Variants in FAR2 observed in about 807,000 individuals in gnomAD.
FAR2 encodes fatty acyl-CoA reductase 2.
FAR2 carries 19 observed loss-of-function variants against 56.0 expected under a neutral mutation model. The ratio of observed to expected loss-of-function variants is 0.34; its 90% CI spans 0.24 to 0.50. FAR2 has a LOEUF of 0.50. FAR2 is among the 20% of genes least tolerant of loss of function. The pLI, the probability that FAR2 is intolerant of heterozygous loss-of-function variation, is 0.98. For missense variants in FAR2, 508 were observed against 642.2 expected (o/e 0.79, Z 2.26); for synonymous variants, 219 against 218.8 (o/e 1.00, Z -0.01).
chr12:29,203,544 A>T (rs1947440101), intron 1 of FAR2, among the ~76,000 whole-genome samples: 1 of 152,186 alleles, frequency 6.6e-6, no homozygotes, highest in Non-Finnish European at 1.5e-5. Flanking sequence ...TTAGGCCTGT[A>T]TGGTCATCCA....
intron 1 of FAR2, among the ~76,000 whole-genome samples, chr12:29,180,280 C>A (rs1591834747): frequency 6.6e-6 from 1 of 152,310 alleles, no homozygotes; most frequent in Admixed American, 6.5e-5. Flanking sequence ...GATATCACTT[C>A]TCATTATGCC....
At chr12:29,159,777 C>A (rs1288612808) in intron 1 of FAR2, among the ~76,000 whole-genome samples, 2 of 152,152 alleles carry the variant, frequency 1.3e-5, no homozygotes, top group Non-Finnish European at 2.9e-5. Context: ...AAGATAGACA[C>A]AAACTCTTGG....
At chr12:29,324,785 C>A (rs1305489780) in intron 10 of FAR2, among the ~76,000 whole-genome samples, 1 of 152,222 alleles carries the variant, frequency 6.6e-6, no homozygotes, top group Non-Finnish European at 1.5e-5. Flanking sequence ...ATACCAGCCA[C>A]TGCAAAAACA....
At chr12:29,161,014 A>C (rs1949777286) in intron 1 of FAR2, among the ~76,000 whole-genome samples, 1 of 152,192 alleles carries the variant, frequency 6.6e-6, no homozygotes, top group Non-Finnish European at 1.5e-5. Flanking sequence ...ACTATCTGCA[A>C]ACCACTTTCT....
At chr12:29,191,482 C>T (rs531392261) in intron 1 of FAR2, among the ~76,000 whole-genome samples, 6 of 152,222 alleles carry the variant, frequency 3.9e-5, no homozygotes, top group East Asian at 1.9e-4. Flanking sequence ...GCCGGTTAGA[C>T]GAGCTTTCAG....
At chr12:29,330,137 A>T (rs2136828244) in intron 10 of FAR2, among the ~76,000 whole-genome samples, 2 of 147,966 alleles carry the variant, frequency 1.4e-5, no homozygotes, top group South Asian at 4.2e-4. Flanking sequence ...GCTCACTGCA[A>T]CCTCCGCCTC....
intron 1 of FAR2, among the ~76,000 whole-genome samples, chr12:29,262,723 A>G (rs1948442535): frequency 6.6e-6 from 1 of 152,170 alleles, no homozygotes; most frequent in African/African-American, 2.4e-5. Flanking sequence ...GAAGACAGGA[A>G]GGAAGGAAGG....
chr12:29,261,782 A>G (rs1257938057), intron 1 of FAR2, among the ~76,000 whole-genome samples: 2 of 152,176 alleles, frequency 1.3e-5, no homozygotes, highest in Non-Finnish European at 1.5e-5. Flanking sequence ...CAAGTGCTGA[A>G]GAAAAAAATC....
chr12:29,236,305 C>A (rs1373476017), intron 1 of FAR2, among the ~76,000 whole-genome samples: 2 of 152,064 alleles, frequency 1.3e-5, no homozygotes, highest in Admixed American at 6.6e-5. Flanking sequence ...CAAGAATTAC[C>A]CTCAACCATT....
intron 1 of FAR2, among the ~76,000 whole-genome samples, chr12:29,154,064 T>C (rs1168448396): frequency 6.6e-6 from 1 of 152,218 alleles, no homozygotes; most frequent in East Asian, 1.9e-4. Flanking sequence ...TTTAAAATCA[T>C]GCTTGCATTT....
intron 1 of FAR2, among the ~76,000 whole-genome samples, chr12:29,154,436 GT>G (rs1340019500): frequency 2.0e-5 from 3 of 148,058 alleles, no homozygotes; most frequent in Admixed American, 2.0e-4. Flanking sequence ...GTTTTGTTTT[GT>G]TTTGTTTTGT....
intron 1 of FAR2, among the ~76,000 whole-genome samples, chr12:29,163,451 TAGAC>T (rs1367395342): frequency 1.3e-5 from 2 of 152,240 alleles, no homozygotes; most frequent in African/African-American, 4.8e-5. Flanking sequence ...ACAACTGTAG[TAGAC>T]AGAGAAGAGC....
chr12:29,254,050 CT>C (rs1243957610), intron 1 of FAR2, among the ~76,000 whole-genome samples: 1 of 152,140 alleles, frequency 6.6e-6, no homozygotes, highest in East Asian at 1.9e-4. Flanking sequence ...TTAAGACCAG[CT>C]TTGACTATCT....
intron 2 of FAR2, among the ~76,000 whole-genome samples, chr12:29,274,213 G>T (rs1218860439): frequency 9.4e-6 from 1 of 105,920 alleles, no homozygotes; most frequent in Non-Finnish European, 1.8e-5. Context: ...CCCACAACAG[G>T]CCCCGGTATG....
intron 1 of FAR2, among the ~76,000 whole-genome samples, chr12:29,263,127 A>C (rs1476821298): frequency 1.3e-5 from 2 of 152,110 alleles, no homozygotes; most frequent in African/African-American, 2.4e-5. Context: ...TGCACCCAAC[A>C]CTGGAGCCCC....
intron 2 of FAR2, among the ~76,000 whole-genome samples, chr12:29,273,363 C>G (rs1948651455): frequency 6.6e-6 from 1 of 152,166 alleles, no homozygotes; most frequent in Admixed American, 6.5e-5. Flanking sequence ...TGCAGGGAAG[C>G]CCCTCCCCCA....
Position 29,190,677 on chromosome 12 carries a change from A to T in FAR2, c.-39+41270A>T, listed in dbSNP as rs184111396. ...ACGGGTTTTCACTGTGTTAGCCAGG[A>T]TGGTCTCCATCTCCTGACCTGGTGA... On this transcript the variant is annotated intron_variant, in intron 1 of 11. Coordinates refer to ENST00000536681, the MANE Select transcript of FAR2 (RefSeq NM_001271783.2). 3.3e-3 allele frequency among the ~76,000 whole-genome samples: 494 copies of T among 151,958 alleles called. 4 individuals carry two copies. The highest frequency in any genetic ancestry group is 7.7e-3 in the South Asian group (37 of 4,808).
intron 4 of FAR2, among the ~76,000 whole-genome samples, chr12:29,305,757 G>C (rs1008905787): frequency 2.0e-5 from 3 of 152,134 alleles, no homozygotes; most frequent in Non-Finnish European, 4.4e-5. Context: ...GTGTAGCTGA[G>C]AGTAGCAGAG....
At position 29,182,189 on chromosome 12, in the gene FAR2, G is replaced by A. The variant is rs1273995274; in HGVS notation, c.-39+32782G>A. On this transcript the variant is annotated intron_variant, in intron 1 of 11. Transcript: ENST00000536681. ...GCAGGTGTTACAGCCCTTAAAGGTG[G>A]TGTAGACCCAAAGAGTGAGCAGCAG... 2.6e-5 allele frequency among the ~76,000 whole-genome samples: 4 copies of A among 152,218 alleles called. No homozygotes were observed. The East Asian group carries it at 7.7e-4, about 29-fold the overall frequency.
Sources: gnomAD v4.1 joint callset for allele counts (sites outside exome capture counted in the v4.1 genomes callset) on GRCh38, gnomAD v4.1.1 for gene constraint, MANE v1.5 for transcripts, NCBI Gene and HGNC (gene_info 2026-07-23, HGNC 2026-07-21) for gene names.